The following RBFOX1 variants were observed in gnomAD, a reference collection of about 807,000 sequenced individuals.
The protein encoded by RBFOX1 is RNA binding protein fox-1 homolog 1.
Under a neutral mutation model 57.7 loss-of-function variants are expected in RBFOX1, and 8 were observed. That is an observed-to-expected ratio of 0.14 (90% CI 0.08 to 0.25). RBFOX1 has a LOEUF of 0.25. Among genes scored for constraint, RBFOX1 ranks in the 10% least tolerant of loss-of-function variants. The probability of loss-of-function intolerance (pLI) is 1.00; values close to 1 mark genes in which losing one functional copy is unlikely to be tolerated. For missense variants in RBFOX1, 611 were observed against 548.5 expected (o/e 1.11, Z -1.14); for synonymous variants, 326 against 222.4 (o/e 1.47, Z -4.15).
chr16:6,503,605 A>G (rs1335141994), intron 2 of RBFOX1, among the ~76,000 whole-genome samples: 1 of 152,246 alleles, frequency 6.6e-6, no homozygotes, highest in South Asian at 2.1e-4. Flanking sequence ...CCTTTTCGGC[A>G]GGCTTGCTTA....
chr16:5,723,175 G>C (rs529012253), intron 3 of RBFOX1, among the ~76,000 whole-genome samples: 233 of 152,316 alleles, frequency 1.5e-3, no homozygotes, highest in Non-Finnish European at 2.8e-3. Context: ...GTATGCATCT[G>C]TAACATGGGA....
chr16:7,153,947 A>G lies in RBFOX1; in HGVS notation c.27+101849A>G, dbSNP rs144202193. The stretch of plus-strand genomic sequence containing the variant: ...TTAAAAAAAACCCTTTTAAATGACG[A>G]GAATGGAGATAAAGAGAAAAAGCAT... On this transcript the variant is annotated intron_variant, in intron 4 of 15. Transcript: ENST00000550418. Among the ~76,000 whole-genome samples the G allele has an allele frequency of 5.9e-5, 9 of 152,288 alleles. No homozygotes were observed. In the East Asian group the frequency reaches 1.4e-3, roughly 23 times the overall value.
chr16:6,936,935 A>G (rs1422547789), intron 3 of RBFOX1, among the ~76,000 whole-genome samples: 1 of 103,078 alleles, frequency 9.7e-6, no homozygotes, highest in Non-Finnish European at 1.8e-5. Context: ...TCTCATTGGG[A>G]CTGTTGTGGG....
intron 1 of RBFOX1, among the ~76,000 whole-genome samples, chr16:6,225,461 G>A (rs2097409442): frequency 6.6e-6 from 1 of 152,034 alleles, no homozygotes; most frequent in Admixed American, 6.6e-5. Flanking sequence ...TTAATACCCG[G>A]GAATGATGTC....
intron 3 of RBFOX1, chr16:6,704,987 G>T (rs1432774978): frequency 6.6e-6 from 1 of 152,024 alleles, no homozygotes; most frequent in Non-Finnish European, 1.5e-5. Flanking sequence ...CTACCTCATG[G>T]CTATTTTTTA....
At chr16:6,426,487 C>G (rs1446304648) in intron 2 of RBFOX1, among the ~76,000 whole-genome samples, 7 of 152,014 alleles carry the variant, frequency 4.6e-5, no homozygotes, top group Non-Finnish European at 5.9e-5. Context: ...TAAAATAGGC[C>G]TGGTGTGGTG....
intron 4 of RBFOX1, among the ~76,000 whole-genome samples, chr16:7,180,377 C>A (rs540156722): frequency 6.6e-6 from 1 of 152,274 alleles, no homozygotes; most frequent in Admixed American, 6.5e-5. Flanking sequence ...AAAGGGACAG[C>A]ATCTCTGGAA....
intron 4 of RBFOX1, among the ~76,000 whole-genome samples, chr16:7,089,348 A>C (rs2060461572): frequency 6.6e-6 from 1 of 152,164 alleles, no homozygotes; most frequent in Non-Finnish European, 1.5e-5. Context: ...TTTATTTTTG[A>C]CAGTGGAGGT....
At chr16:5,252,440 G>T (rs538919299) in intron 1 of RBFOX1, among the ~76,000 whole-genome samples, 1 of 152,172 alleles carries the variant, frequency 6.6e-6, no homozygotes, top group African/African-American at 2.4e-5. Flanking sequence ...CACTTGCTAC[G>T]TATGAGAGTT....
At chr16:6,678,469 G>A (rs937998440) in intron 3 of RBFOX1, among the ~76,000 whole-genome samples, 1 of 151,638 alleles carries the variant, frequency 6.6e-6, no homozygotes, top group East Asian at 1.9e-4. Flanking sequence ...GTGTATCTGT[G>A]TGCGTGTATG....
intron 3 of RBFOX1, among the ~76,000 whole-genome samples, chr16:5,776,341 T>G (rs1449303631): frequency 6.6e-6 from 1 of 152,220 alleles, no homozygotes; most frequent in Admixed American, 6.5e-5. Context: ...TGTTCTTTTT[T>G]GGCACAGAGT....
At chr16:5,758,321 A>C (rs761675304) in intron 3 of RBFOX1, among the ~76,000 whole-genome samples, 2 of 152,180 alleles carry the variant, frequency 1.3e-5, no homozygotes, top group Non-Finnish European at 2.9e-5. Context: ...TCTCGGCTCT[A>C]TTATAACAGT....
rs370826418 is a variant in RBFOX1, at chr16:5,878,325, A to G, written c.351+10990A>G. ...CTAGGCACTGAGCAATGTATTGTATATAAATTACCTCTTTTATTCCTTCCA... is the reference window on the plus strand; with the variant it reads ...CTAGGCACTGAGCAATGTATTGTATGTAAATTACCTCTTTTATTCCTTCCA... On this transcript the variant is annotated intron_variant, in intron 4 of 19. Coordinates refer to the RBFOX1 transcript ENST00000641259. Among the ~76,000 whole-genome samples the G allele has an allele frequency of 2.5e-4, 38 of 152,302 alleles. 1 individual carries two copies. In the South Asian group the frequency reaches 6.8e-3, roughly 27 times the overall value.
intron 4 of RBFOX1, among the ~76,000 whole-genome samples, chr16:7,517,816 G>T (rs1053669973): frequency 7.6e-6 from 1 of 132,196 alleles, no homozygotes; most frequent in East Asian, 2.9e-4. Context: ...AAATAAAAAG[G>T]ATCTGCCAAA....
intron 3 of RBFOX1, among the ~76,000 whole-genome samples, chr16:6,869,830 G>A (rs540851388): frequency 1.3e-5 from 2 of 152,134 alleles, no homozygotes; most frequent in Non-Finnish European, 2.9e-5. Flanking sequence ...CACATGAGCT[G>A]ACTGCTTCAC....
At chr16:5,521,028 A>T (rs1464001787) in intron 2 of RBFOX1, among the ~76,000 whole-genome samples, 2 of 152,226 alleles carry the variant, frequency 1.3e-5, no homozygotes, top group Non-Finnish European at 2.9e-5. Flanking sequence ...GACATCTGTT[A>T]GGTTAATAGA....
At chr16:6,167,664 A>G (rs560393907) in intron 1 of RBFOX1, among the ~76,000 whole-genome samples, 1 of 152,122 alleles carries the variant, frequency 6.6e-6, no homozygotes, top group African/African-American at 2.4e-5. Context: ...GTCACTTTTA[A>G]AATGCAATGT....
chr16:6,530,007 G>A (rs973833402), intron 2 of RBFOX1, among the ~76,000 whole-genome samples: 1 of 152,066 alleles, frequency 6.6e-6, no homozygotes, highest in Non-Finnish European at 1.5e-5. Flanking sequence ...GTCTCAATGG[G>A]TATTTATGTC....
In RBFOX1 at chr16:7,709,102, C is replaced by T. The variant is rs538050088; in HGVS notation, c.1042C>T (p.Pro348Ser). Residue 348 changes from proline to serine, a missense_variant, in exon 15 of 16, where the codon CCA becomes TCA. Pro to Ser is a moderately conservative substitution (Grantham distance 74). Transcript: ENST00000550418. ...AADPYHHALA[P>S]APTYGVGAMN... ...CGACCCCTACCACCACGCACTTGCT[C>T]CAGCCCCCACCTACGGCGTTGGTGC... The T allele has an allele frequency of 6.2e-7, 1 of 1,613,582 alleles. No individual in the cohort carries two copies. Among genetic ancestry groups the T allele is most frequent in the Non-Finnish European group, 8.5e-7 (1 of 1,179,714 alleles).
Sources: gnomAD v4.1 joint callset for allele counts (sites outside exome capture counted in the v4.1 genomes callset) on GRCh38, gnomAD v4.1.1 for gene constraint, MANE v1.5 for transcripts, NCBI Gene and HGNC (gene_info 2026-07-23, HGNC 2026-07-21) for gene names.